The following CNTLN variants were observed in gnomAD, a reference collection of about 807,000 sequenced individuals.
CNTLN encodes the protein centlein, also known as centlein, centrosomal protein.
Under a neutral mutation model 180.0 loss-of-function variants are expected in CNTLN, and 212 were observed. That is an observed-to-expected ratio of 1.18 (90% CI 1.05 to 1.32). The LOEUF (loss-of-function observed/expected upper bound fraction) is 1.32. Ranked by LOEUF, CNTLN falls within the 40% of genes most tolerant of loss-of-function variation. CNTLN has a pLI of 0.00. For synonymous variants in CNTLN, 722 were observed against 563.1 expected (o/e 1.28, Z -3.99); for missense variants, 2,095 against 1,610.9 (o/e 1.30, Z -5.14).
chr9:17,337,703 G>A (rs1821147847), intron 10 of CNTLN, among the ~76,000 whole-genome samples: 1 of 152,128 alleles, frequency 6.6e-6, no homozygotes, highest in Non-Finnish European at 1.5e-5. Flanking sequence ...TGAATTCAAT[G>A]ACTAATGGTA....
At chr9:17,309,670 T>G (rs1161664013) in intron 8 of CNTLN, among the ~76,000 whole-genome samples, 1 of 44,728 alleles carries the variant, frequency 2.2e-5, no homozygotes, top group Non-Finnish European at 6.1e-5. Flanking sequence ...ACCACTACCT[T>G]GATAACATGA....
At chr9:17,222,047 A>T (rs1324978261) in intron 2 of CNTLN, among the ~76,000 whole-genome samples, 1 of 152,056 alleles carries the variant, frequency 6.6e-6, no homozygotes. Context: ...GTCCTGCATT[A>T]TCAGTGTCTC....
At chr9:17,292,985 C>T (rs1829514006) in intron 6 of CNTLN, among the ~76,000 whole-genome samples, 1 of 152,130 alleles carries the variant, frequency 6.6e-6, no homozygotes, top group Non-Finnish European at 1.5e-5. Context: ...ATTGTTGTTG[C>T]TTTCTGTTTG....
At chr9:17,254,404 A>G (rs908600387) in intron 5 of CNTLN, among the ~76,000 whole-genome samples, 9 of 149,078 alleles carry the variant, frequency 6.0e-5, no homozygotes, top group Admixed American at 6.0e-4. Flanking sequence ...TGTTTCTGCT[A>G]TGTTGGGAAT....
chr9:17,182,687 C>T (rs1205622781), intron 2 of CNTLN, among the ~76,000 whole-genome samples: 1 of 152,164 alleles, frequency 6.6e-6, no homozygotes. Context: ...GGGAAGGTGG[C>T]AAATACCTGA....
chr9:17,451,907 G>A (rs559108301), intron 18 of CNTLN, among the ~76,000 whole-genome samples: 1 of 152,310 alleles, frequency 6.6e-6, no homozygotes, highest in Admixed American at 6.5e-5. Context: ...GCTGTAGGAT[G>A]GATATTGTCC....
chr9:17,298,516 A>C (rs1818115640), intron 7 of CNTLN, 164 bp downstream of exon 7: 4 of 1,313,916 alleles, frequency 3.0e-6, no homozygotes, highest in Middle Eastern at 2.9e-4. Flanking sequence ...ATAACATTTA[A>C]AATTTTTTGA....
intron 2 of CNTLN, among the ~76,000 whole-genome samples, chr9:17,150,179 CT>C (rs1818759031): frequency 6.6e-6 from 1 of 152,180 alleles, no homozygotes; most frequent in Non-Finnish European, 1.5e-5. Flanking sequence ...TCTCTTTTGG[CT>C]TTTGTTGCCA....
intron 23 of CNTLN, among the ~76,000 whole-genome samples, chr9:17,472,166 C>A (rs1458059939): frequency 6.6e-6 from 1 of 152,058 alleles, no homozygotes; most frequent in Non-Finnish European, 1.5e-5. Flanking sequence ...TTATGTAGGC[C>A]ACCTAGTATT....
At position 17,242,845 on chromosome 9, in the gene CNTLN, G is replaced by C. The variant is rs1017016861; in HGVS notation, c.849+6257G>C. On this transcript the variant is annotated intron_variant, in intron 5 of 25. Coordinates refer to ENST00000380647, the MANE Select transcript of CNTLN (RefSeq NM_017738.4). ...TGTCTTTGTCTGGCTTTAGTATCAG[G>C]GTAATACTGGCCTTGTAGAATGAGT... Among the ~76,000 whole-genome samples the C allele has an allele frequency of 3.3e-5, 5 of 152,126 alleles. No individual in the cohort carries two copies. In the East Asian group the frequency reaches 9.6e-4, roughly 29 times the overall value.
intron 18 of CNTLN, among the ~76,000 whole-genome samples, chr9:17,439,568 T>G (rs1269893067): frequency 6.6e-6 from 1 of 152,194 alleles, no homozygotes; most frequent in East Asian, 1.9e-4. Context: ...AGATGGAAAT[T>G]TATATCCTTA....
chr9:17,142,063 CAG>C (rs1238622049), intron 1 of CNTLN, among the ~76,000 whole-genome samples: 5 of 131,886 alleles, frequency 3.8e-5, no homozygotes, highest in African/African-American at 1.4e-4. Context: ...GCCTGGGCGA[CAG>C]AGCAAGACTC....
At chr9:17,501,419 G>C (rs1406685443) in intron 25 of CNTLN, among the ~76,000 whole-genome samples, 1 of 152,194 alleles carries the variant, frequency 6.6e-6, no homozygotes, top group Non-Finnish European at 1.5e-5. Flanking sequence ...TTGCCTGCCT[G>C]CTCTTTAGTT....
At chr9:17,342,037 TAC>T (rs1821522746) in intron 11 of CNTLN, among the ~76,000 whole-genome samples, 1 of 152,186 alleles carries the variant, frequency 6.6e-6, no homozygotes, top group South Asian at 2.1e-4. Context: ...GTTAAAATTC[TAC>T]AGTGTCTGTT....
chr9:17,509,490 G>A, the CNTLN span, among the ~76,000 whole-genome samples: 1 of 152,218 alleles, frequency 6.6e-6, no homozygotes, highest in African/African-American at 2.4e-5. Flanking sequence ...TCAAGCAAAT[G>A]AAGTGTGGCA....
At chr9:17,216,323 C>T (rs915405783) in intron 2 of CNTLN, among the ~76,000 whole-genome samples, 10 of 152,146 alleles carry the variant, frequency 6.6e-5, no homozygotes, top group Non-Finnish European at 1.2e-4. Context: ...TTTTAATATT[C>T]TGTACTTTTT....
the CNTLN span, among the ~76,000 whole-genome samples, chr9:17,528,038 A>G: frequency 6.6e-6 from 1 of 152,016 alleles, no homozygotes; most frequent in Non-Finnish European, 1.5e-5. Flanking sequence ...GAATATATGG[A>G]GAAGAATAGA....
chr9:17,303,709 G>C (rs1248231797), intron 7 of CNTLN, among the ~76,000 whole-genome samples: 2 of 151,966 alleles, frequency 1.3e-5, no homozygotes, highest in African/African-American at 4.8e-5. Flanking sequence ...TATATGTATT[G>C]TCTTTATTCC....
chr9:17,327,780 C>A (rs547326757), intron 8 of CNTLN, among the ~76,000 whole-genome samples: 175 of 151,888 alleles, frequency 1.2e-3, no homozygotes, highest in African/African-American at 4.1e-3. Context: ...ATGGTGAAAC[C>A]CCTTCTCTAC....
Sources: allele counts gnomAD v4.1 joint callset (sites outside exome capture counted in the v4.1 genomes callset), GRCh38; gene constraint gnomAD v4.1.1; transcripts MANE v1.5; gene names NCBI Gene and HGNC (gene_info 2026-07-23, HGNC 2026-07-21).